The following NPIPB2 variants were observed in gnomAD, a reference collection of about 807,000 sequenced individuals.
NPIPB2 encodes the protein nuclear pore complex-interacting protein family member B2.
In NPIPB2, 27 loss-of-function variants were observed where a neutral mutation model predicts 30.8. That is an observed-to-expected ratio of 0.88 (90% CI 0.65 to 1.21). NPIPB2 has a LOEUF of 1.21. NPIPB2 is among the 50% of genes most tolerant of loss of function. The pLI, the probability that NPIPB2 is intolerant of heterozygous loss-of-function variation, is 0.00. For missense variants in NPIPB2, 440 were observed against 446.2 expected (o/e 0.99, Z 0.13); for synonymous variants, 147 against 162.0 (o/e 0.91, Z 0.70).
rs1567473691 is a variant in NPIPB2 at position 11,951,663 on chromosome 16, CACA to C, written c.-583-9552_-583-9550del. On this transcript the variant is annotated intron_variant, in intron 1 of 5. Transcript: ENST00000538896. Reference sequence around the variant, plus strand: ...ACACACACACACACACACACACACACACACCCAGCCCCCAAACAACAAAATTCA... The same window carrying C: ...ACACACACACACACACACACACACACCCCAGCCCCCAAACAACAAAATTCA... Among the ~76,000 whole-genome samples, 25 of 148,796 alleles carry C rather than the reference CACA, an allele frequency of 1.7e-4. No homozygotes were observed. The Middle Eastern group carries it at 0.014, about 81-fold the overall frequency.
At chr16:11,951,228 G>A (rs897547671) in intron 1 of NPIPB2, among the ~76,000 whole-genome samples, 10 of 151,650 alleles carry the variant, frequency 6.6e-5, no homozygotes, top group African/African-American at 9.7e-5. Flanking sequence ...AGGCCGAGGC[G>A]GGTGGATCAC....
At chr16:11,964,801 A>G (rs1397545180) in intron 1 of NPIPB2, among the ~76,000 whole-genome samples, 1 of 152,172 alleles carries the variant, frequency 6.6e-6, no homozygotes, top group Non-Finnish European at 1.5e-5. Context: ...GGGCTCAAGC[A>G]ATCCTTTTGC....
At chr16:11,956,537 G>T (rs150688898) in intron 1 of NPIPB2, among the ~76,000 whole-genome samples, 2 of 152,136 alleles carry the variant, frequency 1.3e-5, no homozygotes, top group Non-Finnish European at 2.9e-5. Context: ...TTAGCTGGGC[G>T]TGGTGGCAGG....
chr16:11,948,787 A>AG (rs1368964694), intron 1 of NPIPB2, among the ~76,000 whole-genome samples: 1 of 139,972 alleles, frequency 7.1e-6, no homozygotes, highest in East Asian at 2.1e-4. Flanking sequence ...AAAAAAAAAA[A>AG]AAAAAAGAAA....
intron 2 of NPIPB2, among the ~76,000 whole-genome samples, chr16:11,934,293 C>T (rs1226285858): frequency 2.0e-5 from 3 of 150,590 alleles, no homozygotes; most frequent in South Asian, 2.1e-4. Flanking sequence ...GTGGCTCACT[C>T]CTGTAATCCC....
chr16:11,946,039 AAAG>A (rs2055004455), upstream of NPIPB2, among the ~76,000 whole-genome samples: 1 of 151,508 alleles, frequency 6.6e-6, no homozygotes, highest in Admixed American at 6.6e-5. Context: ...AAAAAAAAGA[AAAG>A]AAAAAAAGAA....
At chr16:11,945,010 C>T (rs1427504402), upstream of NPIPB2, among the ~76,000 whole-genome samples, 1 of 149,468 alleles carries the variant, frequency 6.7e-6, no homozygotes, top group Non-Finnish European at 1.5e-5. Flanking sequence ...GAAACCCCAT[C>T]TCTACTAAAA....
chr16:11,933,495 T>G, intron 4 of NPIPB2, 22 bp downstream of exon 4: 1 of 1,596,752 alleles, frequency 6.3e-7, no homozygotes, highest in Non-Finnish European at 8.5e-7. Flanking sequence ...TACAACAATA[T>G]TTGTGTCAAG....
chr16:11,935,656 C>G (rs1238544180), intron 2 of NPIPB2, among the ~76,000 whole-genome samples: 1 of 151,226 alleles, frequency 6.6e-6, no homozygotes, highest in Non-Finnish European at 1.5e-5. Context: ...TTGTTTTTTC[C>G]TGATTTCTGC....
intron 1 of NPIPB2, among the ~76,000 whole-genome samples, chr16:11,940,141 G>A (rs1208827493): frequency 2.8e-5 from 2 of 72,324 alleles, no homozygotes; most frequent in African/African-American, 6.5e-5. Flanking sequence ...ACCTGAGGTC[G>A]GGAGTTCAAA....
intron 1 of NPIPB2, among the ~76,000 whole-genome samples, chr16:11,947,697 T>C (rs889425314): frequency 6.6e-6 from 1 of 151,752 alleles, no homozygotes; most frequent in Non-Finnish European, 1.5e-5. Flanking sequence ...ATGAAAAAAA[T>C]AAAAGTAAAT....
intron 1 of NPIPB2, among the ~76,000 whole-genome samples, chr16:11,952,176 A>AAC (rs1555509446): frequency 1.7e-3 from 2 of 1,210 alleles, no homozygotes; most frequent in South Asian, 0.083. Context: ...AAAACAAAAC[A>AAC]AAAAAAAAAA....
upstream of NPIPB2, among the ~76,000 whole-genome samples, chr16:11,946,199 A>G (rs1368700682): frequency 6.6e-6 from 1 of 151,926 alleles, no homozygotes. Context: ...CAGCCTGACC[A>G]ACATGTAGAA....
chr16:11,957,210 G>C (rs1290854765), intron 1 of NPIPB2, among the ~76,000 whole-genome samples: 1 of 149,348 alleles, frequency 6.7e-6, no homozygotes, highest in Non-Finnish European at 1.5e-5. Flanking sequence ...TGTCGCCCAG[G>C]CTGGAGTGCA....
chr16:11,948,628 G>T (rs563936868), intron 1 of NPIPB2, among the ~76,000 whole-genome samples: 20 of 151,316 alleles, frequency 1.3e-4, no homozygotes, highest in Middle Eastern at 6.8e-3. Context: ...TTAGCCGGGC[G>T]TAGTGGCGGG....
chr16:11,941,677 T>C (rs2150919205), intron 1 of NPIPB2, among the ~76,000 whole-genome samples: 1 of 151,566 alleles, frequency 6.6e-6, no homozygotes. Context: ...GGCTTTATAC[T>C]CCCTCTCCAC....
At position 11,934,920 on chromosome 16, in the gene NPIPB2, G is replaced by A. The variant is rs796395560; in HGVS notation, c.193-996C>T. ...ACAACTGAACTGTACACTTCAACAC[G>A]GTTAGATGGTAATTATCATCTTATA... On this transcript the variant is annotated intron_variant, in intron 2 of 7. Coordinates refer to ENST00000399147, the Ensembl canonical transcript of NPIPB2. 5.8e-4 allele frequency among the ~76,000 whole-genome samples: 85 copies of A among 146,068 alleles called. 1 individual carries two copies. The highest frequency in any genetic ancestry group is 4.2e-3 in the East Asian group (21 of 5,006).
At chr16:11,966,378 G>A (rs770542974) in intron 1 of NPIPB2, 1 of 1,594,834 alleles carries the variant, frequency 6.3e-7, no homozygotes, top group Admixed American at 1.7e-5. Context: ...TCTATTTCCA[G>A]GGGATGGCTA....
At chr16:11,951,828 CCA>C (rs2150928267) in intron 1 of NPIPB2, among the ~76,000 whole-genome samples, 1 of 151,616 alleles carries the variant, frequency 6.6e-6, no homozygotes, top group Admixed American at 6.6e-5. Flanking sequence ...GAGATCAAGA[CCA>C]TCCTGGCTAA....
Sources: gnomAD v4.1 joint callset for allele counts (sites outside exome capture counted in the v4.1 genomes callset) on GRCh38, gnomAD v4.1.1 for gene constraint, MANE v1.5 for transcripts, NCBI Gene and HGNC (gene_info 2026-07-23, HGNC 2026-07-21) for gene names.